Variants in BBS9 observed in about 807,000 individuals in gnomAD.
The protein encoded by BBS9 is protein PTHB1.
In BBS9, 89 loss-of-function variants were observed where a neutral mutation model predicts 117.7. The ratio of observed to expected loss-of-function variants is 0.76; its 90% CI spans 0.64 to 0.90. The LOEUF (loss-of-function observed/expected upper bound fraction) is 0.90, where lower values mean the gene tolerates loss of function less well. Ranked by LOEUF, BBS9 falls within the 40% of genes least tolerant of loss-of-function variation. The pLI is 0.00. For missense variants in BBS9, 982 were observed against 1,042.2 expected (o/e 0.94, Z 0.80); for synonymous variants, 379 against 370.9 (o/e 1.02, Z -0.25).
intron 19 of BBS9, among the ~76,000 whole-genome samples, chr7:33,478,718 T>C (rs559908967): frequency 6.6e-6 from 1 of 152,280 alleles, no homozygotes; most frequent in East Asian, 1.9e-4. Context: ...GTTTTTCTTT[T>C]TATTTCACAT....
At chr7:33,165,908 A>G (rs1795609210) in intron 4 of BBS9, among the ~76,000 whole-genome samples, 1 of 152,042 alleles carries the variant, frequency 6.6e-6, no homozygotes, top group Non-Finnish European at 1.5e-5. Context: ...TTTGGAGGAG[A>G]AGAGGTGCTC....
chr7:33,334,832 C>T (rs1814962785), intron 9 of BBS9, among the ~76,000 whole-genome samples: 1 of 152,212 alleles, frequency 6.6e-6, no homozygotes, highest in African/African-American at 2.4e-5. Flanking sequence ...ACTCAAGTCT[C>T]CTGCGTCCTA....
At chr7:33,569,397 A>C in intron 21 of BBS9, among the ~76,000 whole-genome samples, 1 of 152,144 alleles carries the variant, frequency 6.6e-6, no homozygotes. Context: ...TTTTTAGTAT[A>C]TACAGATGTG....
At chr7:33,383,948 G>A in intron 18 of BBS9, 110 bp downstream of exon 18, 1 of 1,174,194 alleles carries the variant, frequency 8.5e-7, no homozygotes, top group Admixed American at 2.5e-5. Context: ...GCTTCTAGTT[G>A]TTTTTCTTAT....
intron 9 of BBS9, among the ~76,000 whole-genome samples, chr7:33,312,867 C>T (rs560671629): frequency 1.3e-5 from 2 of 152,234 alleles, no homozygotes; most frequent in Non-Finnish European, 1.5e-5. Context: ...TCTCACCCCT[C>T]TAAAATTTGA....
chr7:33,159,520 G>T (rs1267242517), intron 4 of BBS9, among the ~76,000 whole-genome samples: 2 of 152,110 alleles, frequency 1.3e-5, no homozygotes, highest in African/African-American at 2.4e-5. Context: ...TTGTCTGTTG[G>T]GACCTAGTGC....
chr7:33,611,999 A>G (rs868391982), intron 21 of BBS9, among the ~76,000 whole-genome samples: 2 of 151,090 alleles, frequency 1.3e-5, no homozygotes, highest in South Asian at 2.1e-4. Context: ...AGTTGCATGT[A>G]TATCATTGGT....
chr7:33,383,014 A>C (rs1468246780), intron 17 of BBS9, among the ~76,000 whole-genome samples: 52 of 152,278 alleles, frequency 3.4e-4, no homozygotes, highest in Admixed American at 3.4e-3. Flanking sequence ...CATAGGTGTT[A>C]TTACCACCTC....
chr7:33,152,633 C>T (rs754919644), intron 2 of BBS9, 68 bp from the exon 3 acceptor site: 2 of 1,432,596 alleles, frequency 1.4e-6, no homozygotes, highest in Non-Finnish European at 1.9e-6. Flanking sequence ...CATTAGAAAG[C>T]TTATTTCCTA....
chr7:33,427,252 C>T (rs758345272), intron 19 of BBS9, among the ~76,000 whole-genome samples: 13 of 152,228 alleles, frequency 8.5e-5, no homozygotes, highest in South Asian at 6.2e-4. Flanking sequence ...TGCAAGCATC[C>T]GTGAAACCAT....
chr7:33,360,382 C>A (rs1476867397), intron 16 of BBS9, among the ~76,000 whole-genome samples: 2 of 151,964 alleles, frequency 1.3e-5, no homozygotes, highest in Admixed American at 1.3e-4. Flanking sequence ...CGTCCAGTAC[C>A]CCAAACCTTG....
At chr7:33,366,203 A>G (rs1821679416) in intron 16 of BBS9, among the ~76,000 whole-genome samples, 1 of 152,192 alleles carries the variant, frequency 6.6e-6, no homozygotes. Flanking sequence ...CCTCAGTGGC[A>G]AAAGATGCTG....
chr7:33,327,647 T>A (rs941987751), intron 9 of BBS9, among the ~76,000 whole-genome samples: 5 of 152,200 alleles, frequency 3.3e-5, no homozygotes, highest in African/African-American at 4.8e-5. Context: ...TGAGCCATTA[T>A]CATACCACTG....
At chr7:33,405,087 C>T (rs1409518603) in intron 19 of BBS9, among the ~76,000 whole-genome samples, 1 of 152,196 alleles carries the variant, frequency 6.6e-6, no homozygotes, top group Admixed American at 6.5e-5. Context: ...GCCTTTTCTG[C>T]ATCTATTGAG....
intron 1 of BBS9, among the ~76,000 whole-genome samples, chr7:33,142,258 C>T (rs1307044449): frequency 2.0e-5 from 3 of 151,828 alleles, no homozygotes; most frequent in Non-Finnish European, 4.4e-5. Flanking sequence ...GTAGATGTAC[C>T]ATAGTGTGTT....
chr7:33,405,698 TATC>T (rs1040886337), intron 19 of BBS9, among the ~76,000 whole-genome samples: 2 of 152,340 alleles, frequency 1.3e-5, no homozygotes, highest in African/African-American at 4.8e-5. Flanking sequence ...GTATCCCTTT[TATC>T]ATTTTTTATT....
intron 5 of BBS9, among the ~76,000 whole-genome samples, chr7:33,255,544 C>T (rs144430429): frequency 5.3e-4 from 80 of 152,172 alleles, no homozygotes; most frequent in East Asian, 3.3e-3. Flanking sequence ...TTTATAAAAA[C>T]GACAATTCTT....
chr7:33,478,917 T>C (rs753308290), intron 19 of BBS9, among the ~76,000 whole-genome samples: 29 of 151,546 alleles, frequency 1.9e-4, no homozygotes, highest in Non-Finnish European at 3.2e-4. Flanking sequence ...ATGGTGCTTT[T>C]GTTTTCCTTG....
At chr7:33,576,691 A>G (rs1858950442) in intron 21 of BBS9, among the ~76,000 whole-genome samples, 1 of 152,228 alleles carries the variant, frequency 6.6e-6, no homozygotes, top group Admixed American at 6.5e-5. Flanking sequence ...ACAGCATGAT[A>G]CTGGTACCAA....
Sources: allele counts gnomAD v4.1 joint callset (sites outside exome capture counted in the v4.1 genomes callset), GRCh38; gene constraint gnomAD v4.1.1; transcripts MANE v1.5; gene names NCBI Gene and HGNC (gene_info 2026-07-23, HGNC 2026-07-21).